TPD52L1: variants seen among roughly 807,000 people sequenced by gnomAD.
TPD52L1 encodes the protein tumor protein D53.
TPD52L1 carries 18 observed loss-of-function variants against 28.7 expected under a neutral mutation model. The observed-to-expected ratio is 0.63, with a 90% CI of 0.43 to 0.93. TPD52L1 has a LOEUF of 0.93. Ranked by LOEUF, TPD52L1 falls within the 40% of genes least tolerant of loss-of-function variation. The probability of loss-of-function intolerance (pLI) is 0.00; values close to 1 mark genes in which losing one functional copy is unlikely to be tolerated. For synonymous variants in TPD52L1, 75 were observed against 88.8 expected, an observed-to-expected ratio of 0.84 and a Z score of 0.88; for missense variants, 203 against 254.8, an observed-to-expected ratio of 0.80 and a Z score of 1.39.
At chr6:125,213,723 C>T (rs889767157) in intron 1 of TPD52L1, among the ~76,000 whole-genome samples, 1 of 152,118 alleles carries the variant, frequency 6.6e-6, no homozygotes, top group Non-Finnish European at 1.5e-5. Flanking sequence ...CTGTCCAACA[C>T]CCCTGGACCT....
At chr6:125,215,528 A>T (rs1394033811) in intron 1 of TPD52L1, among the ~76,000 whole-genome samples, 1 of 152,202 alleles carries the variant, frequency 6.6e-6, no homozygotes, top group Non-Finnish European at 1.5e-5. Flanking sequence ...TTAAACCTAG[A>T]CTAACTAGCA....
intron 1 of TPD52L1, among the ~76,000 whole-genome samples, chr6:125,157,098 C>G (rs1298896182): frequency 6.6e-6 from 1 of 152,052 alleles, no homozygotes; most frequent in Non-Finnish European, 1.5e-5. Context: ...CTAGATAAGA[C>G]AGTTCTGTGA....
chr6:125,189,683 C>T (rs1387850659), intron 1 of TPD52L1, among the ~76,000 whole-genome samples: 1 of 152,154 alleles, frequency 6.6e-6, no homozygotes, highest in African/African-American at 2.4e-5. Flanking sequence ...GAAAGGTTGG[C>T]AACCTCTCTC....
At chr6:125,211,077 G>A (rs543097839) in intron 1 of TPD52L1, among the ~76,000 whole-genome samples, 1 of 152,212 alleles carries the variant, frequency 6.6e-6, no homozygotes, top group Admixed American at 6.5e-5. Flanking sequence ...ACATAATTAG[G>A]CAAGTATGTA....
chr6:125,153,806 AC>A lies in TPD52L1; in HGVS notation c.-141del. The A allele has an allele frequency of 1.1e-6, 1 of 914,858 alleles. No homozygotes were observed. Among genetic ancestry groups the A allele is most frequent in the Non-Finnish European group, 1.6e-6 (1 of 641,376 alleles). 56.7% of individuals were successfully genotyped at this position (914,858 alleles called of 1,614,324 possible). A position where few individuals can be genotyped will look rare whatever the true frequency, so the allele number is the denominator to read the frequency against. ...CTAGTGGCGGCTGCCTGCGTCCCCA[AC>A]CCCCTCCGCGCAGCGCTCGCGACAC... On this transcript the variant is annotated 5_prime_UTR_variant, in exon 1 of 7. Transcript: ENST00000534000.
intron 1 of TPD52L1, among the ~76,000 whole-genome samples, chr6:125,215,834 A>G (rs1262896916): frequency 6.6e-6 from 1 of 152,206 alleles, no homozygotes; most frequent in Non-Finnish European, 1.5e-5. Flanking sequence ...AAGATGTTTG[A>G]TGTCTTGAAA....
intron 1 of TPD52L1, among the ~76,000 whole-genome samples, chr6:125,167,658 G>A (rs1419899328): frequency 6.6e-6 from 1 of 152,174 alleles, no homozygotes. Flanking sequence ...ATATGAGGGT[G>A]CTATTCATCA....
At chr6:125,167,867 C>T (rs1485444888) in intron 1 of TPD52L1, among the ~76,000 whole-genome samples, 1 of 149,018 alleles carries the variant, frequency 6.7e-6, no homozygotes, top group African/African-American at 2.5e-5. Flanking sequence ...AAAAAAAAAA[C>T]AAAAAAATGG....
intron 4 of TPD52L1, chr6:125,252,430 C>G (rs2115047148): frequency 5.8e-6 from 1 of 173,144 alleles, no homozygotes; most frequent in South Asian, 1.9e-4. Flanking sequence ...CAGATTTTCT[C>G]TAGATTGTCA....
intron 6 of TPD52L1, among the ~76,000 whole-genome samples, chr6:125,257,961 G>T (rs912854817): frequency 2.6e-5 from 4 of 152,030 alleles, no homozygotes; most frequent in African/African-American, 9.7e-5. Context: ...TACCATAACT[G>T]GGAAAATTAA....
At chr6:125,225,214 A>G (rs961703937) in intron 2 of TPD52L1, among the ~76,000 whole-genome samples, 2 of 152,110 alleles carry the variant, frequency 1.3e-5, no homozygotes, top group Non-Finnish European at 2.9e-5. Context: ...ATTCCATTTT[A>G]TTTATCTACT....
intron 6 of TPD52L1, chr6:125,259,892 A>C (rs1158482503): frequency 6.6e-6 from 1 of 152,218 alleles, no homozygotes; most frequent in African/African-American, 2.4e-5. Context: ...GGAGAATTTT[A>C]TCATTCACAT....
chr6:125,233,351 C>G (rs1208578110), intron 3 of TPD52L1, among the ~76,000 whole-genome samples: 1 of 152,124 alleles, frequency 6.6e-6, no homozygotes, highest in African/African-American at 2.4e-5. Flanking sequence ...CTAAGACTTC[C>G]AGGCCATTAA....
At chr6:125,161,459 GATCT>G (rs1177042804) in intron 1 of TPD52L1, among the ~76,000 whole-genome samples, 2 of 152,266 alleles carry the variant, frequency 1.3e-5, no homozygotes, top group African/African-American at 4.8e-5. Flanking sequence ...GCCTGCTTTT[GATCT>G]ATCTTGGCTT....
intron 1 of TPD52L1, chr6:125,214,427 T>C (rs1794719898): frequency 4.1e-6 from 4 of 983,168 alleles, no homozygotes; most frequent in Non-Finnish European, 3.6e-6. Flanking sequence ...CTTCCCACAA[T>C]CTACCAGGGA....
intron 3 of TPD52L1, among the ~76,000 whole-genome samples, chr6:125,237,708 A>T (rs942278549): frequency 6.6e-6 from 1 of 152,042 alleles, no homozygotes; most frequent in African/African-American, 2.4e-5. Context: ...TTATGGCGCA[A>T]TTTCAGCTCA....
chr6:125,172,099 CCTTTCTTTCTTT>C (rs549747240), intron 1 of TPD52L1, among the ~76,000 whole-genome samples: 780 of 76,110 alleles, frequency 0.01, 18 homozygotes, highest in Middle Eastern at 0.014. Context: ...TCTTTCTTTC[CCTTTCTTTCTTT>C]CTTTCTTTCT....
intron 1 of TPD52L1, among the ~76,000 whole-genome samples, chr6:125,199,901 ATGT>A (rs1247581536): frequency 6.6e-6 from 1 of 152,200 alleles, no homozygotes; most frequent in African/African-American, 2.4e-5. Flanking sequence ...TTGTATTTCC[ATGT>A]TGTTCCATTA....
At chr6:125,237,649 G>A (rs7762581) in intron 3 of TPD52L1, among the ~76,000 whole-genome samples, 25,388 of 151,924 alleles carry the variant, frequency 0.17, 2,746 homozygotes, top group East Asian at 0.3. Flanking sequence ...TGTTTCATCA[G>A]CATATAATAC....
Sources: allele counts gnomAD v4.1 joint callset (sites outside exome capture counted in the v4.1 genomes callset), GRCh38; gene constraint gnomAD v4.1.1; transcripts MANE v1.5; gene names NCBI Gene and HGNC (gene_info 2026-07-23, HGNC 2026-07-21).